Variants in SLC27A3 observed in about 807,000 individuals in gnomAD.
SLC27A3 encodes the protein solute carrier family 27 member 3, also known as long-chain fatty acid transport protein 3.
SLC27A3 carries 60 observed loss-of-function variants against 60.1 expected under a neutral mutation model. That is an observed-to-expected ratio of 1.00 (90% CI 0.81 to 1.24). The LOEUF is 1.24. Among genes scored for constraint, SLC27A3 ranks in the 50% most tolerant of loss-of-function variants. The pLI is 0.00. For synonymous variants in SLC27A3, 455 were observed against 409.0 expected (o/e 1.11, Z -1.36); for missense variants, 1,079 against 929.9 (o/e 1.16, Z -2.09).
Position 153,779,331 on chromosome 1 carries a change from C to T in SLC27A3, c.1745-12C>T, listed in dbSNP as rs1370328775. 4 of 1,613,816 alleles carry T rather than the reference C, an allele frequency of 2.5e-6. No homozygotes were observed. Among genetic ancestry groups the T allele is most frequent in the East Asian group, 2.2e-5 (1 of 44,880 alleles). On this transcript the variant is annotated splice_polypyrimidine_tract_variant and intron_variant, in intron 8 of 9. Transcript: ENST00000624995. ...CCATGGAGGGGCTTACTCTGTCTCCCACACCCACCAGGGCATGAAGGCAGG... is the reference window on the plus strand; with the variant it reads ...CCATGGAGGGGCTTACTCTGTCTCCTACACCCACCAGGGCATGAAGGCAGG...
chr1:153,776,726 G>A lies in SLC27A3; in HGVS notation c.876G>A (p.Thr292=). 3 of 1,613,864 alleles carry A rather than the reference G, an allele frequency of 1.9e-6. No homozygotes were observed. Among genetic ancestry groups the A allele is most frequent in the Non-Finnish European group, 2.5e-6 (3 of 1,179,816 alleles). ...TCLYIFTSGT[T]GLPKAARISH... ...TGTACATCTTCACCTCTGGCACCAC[G>A]GGTGAGGGCCGGGCACCATACTTAG... The change falls in exon 2 of 10, where the codon ACG becomes ACA. Residue 292 remains threonine, a splice_region_variant and synonymous_variant. Coordinates refer to ENST00000624995, the MANE Select transcript of SLC27A3 (RefSeq NM_024330.4).
chr1:153,777,389 C>G, intron 3 of SLC27A3, 169 bp downstream of exon 3: 1 of 810,196 alleles, frequency 1.2e-6, no homozygotes, highest in Non-Finnish European at 1.9e-6. Context: ...GACCTACAGA[C>G]TGAGGAACGG....
In SLC27A3 at chr1:153,775,900, C is replaced by T. The variant is rs1459712406; in HGVS notation, c.403C>T (p.Pro135Ser). The T allele has an allele frequency of 6.8e-7, 1 of 1,475,358 alleles. No individual in the cohort carries two copies. Among genetic ancestry groups the T allele is most frequent in the Non-Finnish European group, 8.9e-7 (1 of 1,119,902 alleles). 91.4% of individuals were successfully genotyped at this position (1,475,358 alleles called of 1,614,324 possible). Residue 135 changes from proline (P) to serine (S), a missense_variant, in exon 1 of 10, where the codon CCG (proline) becomes TCG (serine). By Grantham distance (74) the Pro-to-Ser change is moderately conservative. Transcript: ENST00000624995. Reference sequence around the variant, plus strand: ...CGCTGGAGAAGGCGAGCGGGCAGCGCCGGGAGCCGGAGATGCAGCGGCCGG... The same window carrying T: ...CGCTGGAGAAGGCGAGCGGGCAGCGTCGGGAGCCGGAGATGCAGCGGCCGG... Reference protein sequence around the residue: ...GSAGEGERAAPGAGDAAAGSG... With the variant: ...GSAGEGERAASGAGDAAAGSG...
At chr1:153,777,293 C>G in intron 3 of SLC27A3, 73 bp downstream of exon 3, 3 of 1,551,048 alleles carry the variant, frequency 1.9e-6, no homozygotes, top group Non-Finnish European at 2.7e-6. Context: ...TGGTGTGAGT[C>G]CTCCAGGGTA....
chr1:153,779,429 G>T lies in SLC27A3; in HGVS notation c.1831G>T (p.Glu611Ter). ...DLMQLYTHVS[E>*]NLPPYARPRF... ...TATGCAGCTCTACACCCACGTGTCTGAGAACTTGCCACCTTATGCCCGGCC... is the reference window on the plus strand; with the variant it reads ...TATGCAGCTCTACACCCACGTGTCTTAGAACTTGCCACCTTATGCCCGGCC... The change falls in exon 9 of 10, where the codon GAG (glutamate) becomes TAG (stop). Residue 611 changes from glutamate (E) to a stop codon, truncating the protein, a stop_gained. Coordinates refer to ENST00000624995, the MANE Select transcript of SLC27A3 (RefSeq NM_024330.4). LOFTEE classifies it low-confidence loss of function (END_TRUNC). The T allele has an allele frequency of 6.2e-7, 1 of 1,613,902 alleles. No individual in the cohort carries two copies. Among genetic ancestry groups the T allele is most frequent in the South Asian group, 1.1e-5 (1 of 91,070 alleles).
chr1:153,777,414 C>G (rs1237733230), intron 3 of SLC27A3, 194 bp downstream of exon 3: 2 of 689,290 alleles, frequency 2.9e-6, no homozygotes, highest in Non-Finnish European at 4.8e-6. Context: ...GGGGGCCATA[C>G]AGCCACATAA....
chr1:153,777,104 A>G lies in SLC27A3; in HGVS notation c.920A>G (p.Gln307Arg), dbSNP rs888229091. 2 of 1,614,246 alleles carry G rather than the reference A, an allele frequency of 1.2e-6. No homozygotes were observed. Among genetic ancestry groups the G allele is most frequent in the East Asian group, 4.5e-5 (2 of 44,888 alleles). The change falls in exon 3 of 10, where the codon CAA (glutamine) becomes CGA (arginine). Residue 307 changes from glutamine (Q) to arginine (R), a missense_variant. Physicochemically the swap from Gln to Arg is conservative, Grantham distance 43. Coordinates refer to ENST00000624995, the MANE Select transcript of SLC27A3 (RefSeq NM_024330.4). Reference protein sequence around the residue: ...AARISHLKILQCQGFYQLCGV... With the variant: ...AARISHLKILRCQGFYQLCGV... Reference sequence around the variant, plus strand: ...CGGATCAGTCATCTGAAGATCCTGCAATGCCAGGGCTTCTATCAGCTGTGT... The same window carrying G: ...CGGATCAGTCATCTGAAGATCCTGCGATGCCAGGGCTTCTATCAGCTGTGT...
intron 2 of SLC27A3, 127 bp from the exon 3 acceptor site, chr1:153,776,935 G>T: frequency 9.0e-7 from 1 of 1,116,010 alleles, no homozygotes; most frequent in South Asian, 1.4e-5. Context: ...AGGACAGCCT[G>T]GTCTCGGTCC....
Position 153,775,604 on chromosome 1 carries a change from C to A in SLC27A3, c.107C>A (p.Ala36Glu). The A allele has an allele frequency of 6.3e-7, 1 of 1,593,404 alleles. No individual in the cohort carries two copies. Among genetic ancestry groups the A allele is most frequent in the Non-Finnish European group, 8.5e-7 (1 of 1,172,884 alleles). The part of the protein sequence containing the change: ...LRWLPADLAF[A>E]VRALCCKRAL... ...TGGCTTCCGGCGGACTTGGCCTTTGCGGTGCGAGCTCTGTGCTGCAAAAGG... is the reference window on the plus strand; with the variant it reads ...TGGCTTCCGGCGGACTTGGCCTTTGAGGTGCGAGCTCTGTGCTGCAAAAGG... The change falls in exon 1 of 10, where the codon GCG becomes GAG. Residue 36 changes from alanine (A) to glutamate (E), a missense_variant. Physicochemically the swap from Ala to Glu is moderately radical, Grantham distance 107. Transcript: ENST00000624995.
At position 153,776,529 on chromosome 1, in the gene SLC27A3, T is replaced by G; in HGVS notation, c.679T>G (p.Ser227Ala). 6.2e-7 allele frequency: 1 copy of G among 1,613,434 alleles called. No homozygotes were observed. The highest frequency in any genetic ancestry group is 2.2e-5 in the East Asian group (1 of 44,850). Residue 227 changes from serine to alanine, a missense_variant, in exon 2 of 10, where the codon TCC becomes GCC. Transcript: ENST00000624995. Reference protein sequence around the residue: ...ALVLAPEFLESLEPDLPALRA... With the variant: ...ALVLAPEFLEALEPDLPALRA... Reference sequence around the variant, plus strand: ...TCCCACCCTTCTAGAGTTTCTGGAGTCCCTGGAGCCGGACCTGCCCGCCCT... The same window carrying G: ...TCCCACCCTTCTAGAGTTTCTGGAGGCCCTGGAGCCGGACCTGCCCGCCCT...
chr1:153,777,468 C>A, intron 3 of SLC27A3: 1 of 617,846 alleles, frequency 1.6e-6, no homozygotes, highest in East Asian at 2.8e-5. Flanking sequence ...TGTGTCAGTC[C>A]AGGAACAGGC....
Position 153,778,732 on chromosome 1 carries a change from T to G in SLC27A3, c.1493T>G (p.Phe498Cys). The change falls in exon 7 of 10, where the codon TTC becomes TGC. Residue 498 changes from phenylalanine to cysteine, a missense_variant. Transcript: ENST00000624995. ...GCCCCGGTAAGCCAGCAGTCCCCAT[T>G]CCTGGGCTATGCTGGCGGGCCAGAG... ...LVAPVSQQSP[F>C]LGYAGGPELA... 1.2e-6 allele frequency: 2 copies of G among 1,613,666 alleles called. No individual in the cohort carries two copies. The highest frequency in any genetic ancestry group is 1.7e-6 in the Non-Finnish European group (2 of 1,180,022).
At position 153,776,152 on chromosome 1, in the gene SLC27A3, G is replaced by A. The variant is rs1451503251; in HGVS notation, c.655G>A (p.Val219Met). Residue 219 changes from valine to methionine, a missense_variant, in exon 1 of 10, where the codon GTG becomes ATG. Physicochemically the swap from Val to Met is conservative, Grantham distance 21. Coordinates refer to ENST00000624995, the MANE Select transcript of SLC27A3 (RefSeq NM_024330.4). ...CLRSCGARAL[V>M]LAPEFLESLE... ...CCGCAGCTGCGGCGCGCGCGCGCTGGTGCTGGCGCCAGGTAAGGCTGGAGC... is the reference window on the plus strand; with the variant it reads ...CCGCAGCTGCGGCGCGCGCGCGCTGATGCTGGCGCCAGGTAAGGCTGGAGC... 5.6e-6 allele frequency: 8 copies of A among 1,422,518 alleles called. No homozygotes were observed. Among genetic ancestry groups the A allele is most frequent in the Non-Finnish European group, 7.3e-6 (8 of 1,101,208 alleles). 88.1% of individuals were successfully genotyped at this position (1,422,518 alleles called of 1,614,324 possible). A position where few individuals can be genotyped will look rare whatever the true frequency, so the allele number is the denominator to read the frequency against.
chr1:153,775,694 G>C lies in SLC27A3; in HGVS notation c.197G>C (p.Ser66Thr), dbSNP rs1408673084. The C allele has an allele frequency of 2.0e-6, 3 of 1,528,158 alleles. No homozygotes were observed. The highest frequency in any genetic ancestry group is 2.6e-6 in the Non-Finnish European group (3 of 1,141,906). The allele number at this position is 1,528,158 out of a possible 1,614,324, so 94.7% of individuals were successfully genotyped here. The part of the protein sequence containing the change: ...ADPEGPEGGC[S>T]LAWRLAELAQ... ...CCGGAAGGTCCCGAGGGGGGCTGCA[G>C]CCTGGCCTGGCGCCTCGCGGAACTG... The change falls in exon 1 of 10, where the codon AGC becomes ACC. Residue 66 changes from serine (S) to threonine (T), a missense_variant. Coordinates refer to ENST00000624995, the MANE Select transcript of SLC27A3 (RefSeq NM_024330.4).
chr1:153,776,673 T>A lies in SLC27A3; in HGVS notation c.823T>A (p.Ser275Thr). The A allele has an allele frequency of 3.7e-6, 6 of 1,613,908 alleles. No homozygotes were observed. The highest frequency in any genetic ancestry group is 4.2e-6 in the Non-Finnish European group (5 of 1,179,932). Residue 275 changes from serine (S) to threonine (T), a missense_variant, in exon 2 of 10, where the codon TCC becomes ACC. Coordinates refer to ENST00000624995, the MANE Select transcript of SLC27A3 (RefSeq NM_024330.4). The stretch of plus-strand genomic sequence containing the variant: ...TGGGCCAGTGCCAGGATACCTCTCT[T>A]CCCCCCAGAGCATAACAGACACGTG... ...VDGPVPGYLS[S>T]PQSITDTCLY...
At position 153,779,961 on chromosome 1, in the gene SLC27A3, G is replaced by A. The variant is rs1399303095; in HGVS notation, c.2011G>A (p.Ala671Thr). ...AGGTGCCTACCTGCCCCTCACAACT[G>A]CCCGGTACAGCGCCCTCCTGGCAGG... ...AVGAYLPLTT[A>T]RYSALLAGNL... Residue 671 changes from alanine (A) to threonine (T), a missense_variant, in exon 10 of 10, where the codon GCC becomes ACC. Transcript: ENST00000624995. 1 of 1,614,036 alleles carries A rather than the reference G, an allele frequency of 6.2e-7. No individual in the cohort carries two copies. Among genetic ancestry groups the A allele is most frequent in the Non-Finnish European group, 8.5e-7 (1 of 1,179,970 alleles).
intron 3 of SLC27A3, 113 bp downstream of exon 3, chr1:153,777,333 C>G (rs888176445): frequency 8.4e-6 from 11 of 1,315,246 alleles, no homozygotes; most frequent in Admixed American, 1.8e-5. Flanking sequence ...GGGGCAGAGC[C>G]CTACTCACCA....
intron 5 of SLC27A3, 37 bp downstream of exon 5, chr1:153,778,392 A>T: frequency 1.9e-6 from 3 of 1,613,888 alleles, no homozygotes; most frequent in Non-Finnish European, 2.5e-6. Flanking sequence ...CCCGTGGAAC[A>T]GCAGAGGGCT....
In SLC27A3 at chr1:153,775,499, T is replaced by TGGCTG; in HGVS notation, c.3_7dup (p.Ala3?). 6.2e-7 allele frequency: 1 copy of TGGCTG among 1,613,322 alleles called. No homozygotes were observed. Among genetic ancestry groups the TGGCTG allele is most frequent in the Non-Finnish European group, 8.5e-7 (1 of 1,180,018 alleles). Reference sequence around the variant, plus strand: ...GTGCCGATAGAGGAAGCGGGCTCCATGGCTGCCCTCCTGCTGCTGCCCCTG... The same window carrying TGGCTG: ...GTGCCGATAGAGGAAGCGGGCTCCATGGCTGGGCTGCCCTCCTGCTGCTGCCCCTG... On this transcript the variant is annotated frameshift_variant and start_lost, in exon 1 of 10. Transcript: ENST00000624995. LOFTEE classifies it high-confidence loss of function.
Sources: allele counts gnomAD v4.1 joint callset, GRCh38; gene constraint gnomAD v4.1.1; transcripts MANE v1.5; gene names NCBI Gene and HGNC (gene_info 2026-07-23, HGNC 2026-07-21).